The following PTPRD variants were observed in gnomAD, a reference collection of about 807,000 sequenced individuals.
PTPRD encodes receptor-type tyrosine-protein phosphatase delta.
Under a neutral mutation model 214.5 loss-of-function variants are expected in PTPRD, and 34 were observed. That is an observed-to-expected ratio of 0.16 (90% confidence interval 0.12 to 0.21). The LOEUF (loss-of-function observed/expected upper bound fraction) is 0.21. PTPRD is among the 10% of genes least tolerant of loss of function. The pLI is 1.00. For missense variants in PTPRD, 2,545 were observed against 2,398.7 expected (o/e 1.06, Z -1.27); for synonymous variants, 1,128 against 845.7 (o/e 1.33, Z -5.79).
At chr9:10,048,839 G>T (rs1589705700) in intron 3 of PTPRD, among the ~76,000 whole-genome samples, 1 of 151,900 alleles carries the variant, frequency 6.6e-6, no homozygotes. Context: ...TAACTTAAAT[G>T]GTAAACTCCC....
intron 9 of PTPRD, among the ~76,000 whole-genome samples, chr9:9,194,859 A>T (rs1281898254): frequency 6.6e-6 from 1 of 152,024 alleles, no homozygotes; most frequent in Non-Finnish European, 1.5e-5. Context: ...GTTGGGTTCT[A>T]GTATGGATTC....
At position 8,763,972 on chromosome 9, in the gene PTPRD, A is replaced by G. The variant is rs143992460; in HGVS notation, c.-103-30026T>C. Among the ~76,000 whole-genome samples, 553 of 152,372 alleles carry G rather than the reference A, an allele frequency of 3.6e-3. 2 individuals carry two copies. Among genetic ancestry groups the G allele is most frequent in the African/African-American group, 0.013 (536 of 41,582 alleles). Reference sequence around the variant, plus strand: ...TTTTCAGAAAATTAATGCTTTTTAAATATCAGTTTCAAGAGTTCATTAAAA... The same window carrying G: ...TTTTCAGAAAATTAATGCTTTTTAAGTATCAGTTTCAAGAGTTCATTAAAA... On this transcript the variant is annotated intron_variant, in intron 11 of 45. Transcript: ENST00000381196.
intron 3 of PTPRD, among the ~76,000 whole-genome samples, chr9:10,307,100 T>A (rs1253837143): frequency 6.6e-6 from 1 of 152,166 alleles, no homozygotes. Context: ...TTCTATCTAA[T>A]TTGAAACATA....
chr9:9,690,662 G>C (rs1257044458), intron 7 of PTPRD, among the ~76,000 whole-genome samples: 3 of 151,708 alleles, frequency 2.0e-5, no homozygotes, highest in African/African-American at 7.3e-5. Flanking sequence ...GAGAGATAGG[G>C]GTCTAGGATT....
intron 11 of PTPRD, chr9:8,958,854 AT>A (rs1380716232): frequency 2.6e-5 from 4 of 152,022 alleles, no homozygotes; most frequent in African/African-American, 9.7e-5. Context: ...GAGAGGTAAG[AT>A]AATAGAGAAC....
intron 5 of PTPRD, among the ~76,000 whole-genome samples, chr9:9,865,322 A>G (rs1023992437): frequency 1.3e-5 from 2 of 152,214 alleles, no homozygotes; most frequent in African/African-American, 4.8e-5. Flanking sequence ...AAATGATTAA[A>G]TACTGAGAGC....
chr9:9,501,947 A>T (rs988602365), intron 8 of PTPRD, among the ~76,000 whole-genome samples: 5 of 151,958 alleles, frequency 3.3e-5, no homozygotes, highest in Non-Finnish European at 7.4e-5. Flanking sequence ...AACTTTAGGA[A>T]ATCTTTTTTT....
chr9:9,767,833 G>C (rs1205411845), intron 5 of PTPRD, among the ~76,000 whole-genome samples: 1 of 152,052 alleles, frequency 6.6e-6, no homozygotes, highest in African/African-American at 2.4e-5. Context: ...AGTTCTAGAA[G>C]AAACCTAACT....
intron 9 of PTPRD, among the ~76,000 whole-genome samples, chr9:9,193,351 A>C (rs1432972683): frequency 6.6e-6 from 1 of 152,124 alleles, no homozygotes; most frequent in African/African-American, 2.4e-5. Context: ...GCCTATTTTA[A>C]GGGGGCAAAT....
intron 9 of PTPRD, among the ~76,000 whole-genome samples, chr9:9,300,631 G>A (rs1024273650): frequency 1.3e-5 from 2 of 151,750 alleles, no homozygotes; most frequent in African/African-American, 4.8e-5. Flanking sequence ...AGGGACATCA[G>A]AGAGCTCTCT....
chr9:9,990,877 G>A (rs986092370), intron 4 of PTPRD, among the ~76,000 whole-genome samples: 3 of 151,868 alleles, frequency 2.0e-5, no homozygotes, highest in Non-Finnish European at 2.9e-5. Context: ...TTGTCTCAGT[G>A]TCAACATAGT....
chr9:10,171,731 A>G (rs1479236674), intron 3 of PTPRD, among the ~76,000 whole-genome samples: 2 of 151,836 alleles, frequency 1.3e-5, no homozygotes, highest in Non-Finnish European at 2.9e-5. Context: ...CACTGTGTTA[A>G]CCAGGATGGT....
chr9:8,710,352 T>G (rs2098305434), intron 12 of PTPRD, among the ~76,000 whole-genome samples: 2 of 152,092 alleles, frequency 1.3e-5, no homozygotes, highest in African/African-American at 4.8e-5. Flanking sequence ...CAGGGTGGCT[T>G]ATGCCTGTAA....
At chr9:9,401,692 T>C (rs1214893051) in intron 8 of PTPRD, among the ~76,000 whole-genome samples, 2 of 151,912 alleles carry the variant, frequency 1.3e-5, no homozygotes, top group East Asian at 3.9e-4. Flanking sequence ...GCATCTTGAA[T>C]TGTAGTGCCC....
intron 3 of PTPRD, among the ~76,000 whole-genome samples, chr9:10,206,523 GGT>G (rs1332580798): frequency 1.3e-5 from 2 of 151,992 alleles, no homozygotes; most frequent in Non-Finnish European, 2.9e-5. Context: ...TGTTTTTGAT[GGT>G]AATAACTTTG....
At chr9:8,545,955 T>C (rs2080003691) in intron 14 of PTPRD, among the ~76,000 whole-genome samples, 1 of 152,196 alleles carries the variant, frequency 6.6e-6, no homozygotes, top group Non-Finnish European at 1.5e-5. Flanking sequence ...CACCTCAATT[T>C]ATCAGGTGGC....
intron 3 of PTPRD, among the ~76,000 whole-genome samples, chr9:10,156,312 GC>G (rs887988632): frequency 6.6e-6 from 1 of 152,024 alleles, no homozygotes; most frequent in Non-Finnish European, 1.5e-5. Context: ...CTAGCTATGT[GC>G]CAGAGATTCT....
At chr9:9,056,131 A>G (rs962147424) in intron 10 of PTPRD, among the ~76,000 whole-genome samples, 3 of 152,174 alleles carry the variant, frequency 2.0e-5, no homozygotes, top group African/African-American at 7.2e-5. Context: ...CTAGACTTCT[A>G]GACCTCAGTA....
chr9:10,252,137 A>T (rs75324781), intron 3 of PTPRD, among the ~76,000 whole-genome samples: 1,554 of 152,146 alleles, frequency 0.01, 28 homozygotes, highest in African/African-American at 0.035. Flanking sequence ...AATAAAAATA[A>T]TTTTTTAAAC....
Sources: allele counts gnomAD v4.1 joint callset (sites outside exome capture counted in the v4.1 genomes callset), GRCh38; gene constraint gnomAD v4.1.1; transcripts MANE v1.5; gene names NCBI Gene and HGNC (gene_info 2026-07-23, HGNC 2026-07-21).